ZCWPW2: variants seen among roughly 807,000 people sequenced by gnomAD.
ZCWPW2 encodes zinc finger CW-type PWWP domain protein 2.
ZCWPW2 carries 45 observed loss-of-function variants against 46.6 expected under a neutral mutation model. The observed-to-expected ratio is 0.96, with a 90% CI of 0.76 to 1.24. The LOEUF (loss-of-function observed/expected upper bound fraction) is 1.24. Ranked by LOEUF, ZCWPW2 falls within the 50% of genes most tolerant of loss-of-function variation. The pLI, the probability that ZCWPW2 is intolerant of heterozygous loss-of-function variation, is 0.00. For missense variants in ZCWPW2, 429 were observed against 403.9 expected, an observed-to-expected ratio of 1.06 and a Z score of -0.53; for synonymous variants, 152 against 137.1, an observed-to-expected ratio of 1.11 and a Z score of -0.76.
At chr3:28,463,373 T>C (rs1008063155) in intron 4 of ZCWPW2, among the ~76,000 whole-genome samples, 18 of 152,186 alleles carry the variant, frequency 1.2e-4, no homozygotes, top group Non-Finnish European at 1.9e-4. Flanking sequence ...GTATTAACCC[T>C]TGACTTTATA....
chr3:28,455,138 C>A (rs1559511433), intron 4 of ZCWPW2, among the ~76,000 whole-genome samples: 1 of 152,210 alleles, frequency 6.6e-6, no homozygotes, highest in Non-Finnish European at 1.5e-5. Flanking sequence ...ACAACCTCAC[C>A]AGCATCTGTT....
At chr3:28,482,695 G>A (rs1035230608) in intron 5 of ZCWPW2, among the ~76,000 whole-genome samples, 1 of 152,154 alleles carries the variant, frequency 6.6e-6, no homozygotes, top group Non-Finnish European at 1.5e-5. Flanking sequence ...GGCCACTCTA[G>A]TAGGTGTGTA....
Position 28,348,987 on chromosome 3 carries a change from A to G in ZCWPW2, c.-350A>G, listed in dbSNP as rs1406750658. 2 of 985,754 alleles carry G rather than the reference A, an allele frequency of 2.0e-6. No homozygotes were observed. The highest frequency in any genetic ancestry group is 2.4e-6 in the Non-Finnish European group (2 of 830,204). 61.1% of individuals were successfully genotyped at this position (985,754 alleles called of 1,614,324 possible). On this transcript the variant is annotated 5_prime_UTR_variant, in exon 1 of 10. Transcript: ENST00000383768. ...GTGTGGATGAGCTCTCAGCCGGAAA[A>G]GGGGCTGCCGCTGTCCGCGGGCTCG...
chr3:28,474,627 G>A (rs548128335), intron 4 of ZCWPW2, among the ~76,000 whole-genome samples: 2 of 150,610 alleles, frequency 1.3e-5, no homozygotes, highest in African/African-American at 4.9e-5. Context: ...GTGTGCGCGC[G>A]CGCGCGCGCG....
intron 8 of ZCWPW2, among the ~76,000 whole-genome samples, chr3:28,517,071 C>T (rs1700593043): frequency 6.6e-6 from 1 of 152,168 alleles, no homozygotes; most frequent in Non-Finnish European, 1.5e-5. Context: ...AAGTTTTAGA[C>T]TCTAACACCT....
At chr3:28,494,493 C>T (rs1469948134) in intron 6 of ZCWPW2, among the ~76,000 whole-genome samples, 1 of 151,418 alleles carries the variant, frequency 6.6e-6, no homozygotes, top group Non-Finnish European at 1.5e-5. Flanking sequence ...GGGCTCTGTT[C>T]TGTTCCATTG....
At chr3:28,438,047 C>G (rs1165665689) in intron 4 of ZCWPW2, among the ~76,000 whole-genome samples, 1 of 152,200 alleles carries the variant, frequency 6.6e-6, no homozygotes, top group Admixed American at 6.5e-5. Flanking sequence ...CTACCAGTCC[C>G]CATTCCCAGC....
intron 3 of ZCWPW2, among the ~76,000 whole-genome samples, chr3:28,425,032 A>C (rs935274329): frequency 6.6e-6 from 1 of 152,206 alleles, no homozygotes; most frequent in Non-Finnish European, 1.5e-5. Flanking sequence ...AACTCAAAAA[A>C]TTGATTTTTT....
At chr3:28,353,931 G>A (rs750093931) in intron 1 of ZCWPW2, among the ~76,000 whole-genome samples, 6 of 152,126 alleles carry the variant, frequency 3.9e-5, no homozygotes, top group Non-Finnish European at 7.3e-5. Flanking sequence ...AGAAATGCTC[G>A]TCTGAGGCTT....
At chr3:28,505,259 C>G (rs1249161135) in intron 6 of ZCWPW2, among the ~76,000 whole-genome samples, 1 of 152,132 alleles carries the variant, frequency 6.6e-6, no homozygotes, top group Non-Finnish European at 1.5e-5. Flanking sequence ...TTACACATGG[C>G]TGAAGAAGAG....
chr3:28,357,827 A>G (rs1704800201), intron 1 of ZCWPW2, among the ~76,000 whole-genome samples: 1 of 147,678 alleles, frequency 6.8e-6, no homozygotes, highest in Non-Finnish European at 1.5e-5. Flanking sequence ...ATATCTCCAT[A>G]CATATATATC....
At chr3:28,511,050 C>A in intron 6 of ZCWPW2, 1 of 455,812 alleles carries the variant, frequency 2.2e-6, no homozygotes, top group South Asian at 1.6e-5. Context: ...GAATCTACCC[C>A]AGATGTCAAG....
At chr3:28,493,768 A>G (rs1353822237) in intron 6 of ZCWPW2, among the ~76,000 whole-genome samples, 1 of 10,972 alleles carries the variant, frequency 9.1e-5, no homozygotes, top group African/African-American at 2.5e-4. Flanking sequence ...TCCCACCAAC[A>G]GTGTAAAAGT....
chr3:28,399,258 C>A (rs1244923870), intron 2 of ZCWPW2, among the ~76,000 whole-genome samples: 1 of 152,152 alleles, frequency 6.6e-6, no homozygotes, highest in Non-Finnish European at 1.5e-5. Flanking sequence ...TACCCCCATC[C>A]TCCACAGCAG....
intron 1 of ZCWPW2, among the ~76,000 whole-genome samples, chr3:28,370,469 G>T (rs943384554): frequency 6.6e-6 from 1 of 152,110 alleles, no homozygotes; most frequent in African/African-American, 2.4e-5. Flanking sequence ...TCTCATATGG[G>T]CACAAAAGAA....
chr3:28,423,248 C>T (rs1320802946), intron 3 of ZCWPW2, among the ~76,000 whole-genome samples: 1 of 151,344 alleles, frequency 6.6e-6, no homozygotes, highest in Non-Finnish European at 1.5e-5. Flanking sequence ...TGGTTGGTGC[C>T]TTTGATGTTA....
intron 1 of ZCWPW2, among the ~76,000 whole-genome samples, chr3:28,357,205 G>A (rs546529702): frequency 3.9e-5 from 6 of 152,146 alleles, no homozygotes; most frequent in Middle Eastern, 6.8e-3. Flanking sequence ...ATAAAGCTAC[G>A]AATAAATAAT....
intron 1 of ZCWPW2, among the ~76,000 whole-genome samples, chr3:28,355,439 G>T (rs1374628932): frequency 6.6e-6 from 1 of 152,238 alleles, no homozygotes; most frequent in Non-Finnish European, 1.5e-5. Flanking sequence ...GTAATTTATA[G>T]ATTCAATGTC....
chr3:28,425,620 A>G (rs888738645), intron 3 of ZCWPW2, among the ~76,000 whole-genome samples: 8 of 152,204 alleles, frequency 5.3e-5, no homozygotes, highest in Non-Finnish European at 8.8e-5. Context: ...TTCTCAAAAA[A>G]GTTGACTCTC....
Sources: gnomAD v4.1 joint callset for allele counts (sites outside exome capture counted in the v4.1 genomes callset) on GRCh38, gnomAD v4.1.1 for gene constraint, MANE v1.5 for transcripts, NCBI Gene and HGNC (gene_info 2026-07-23, HGNC 2026-07-21) for gene names.